ANKRD30B: variants seen among roughly 807,000 people sequenced by gnomAD.
ANKRD30B encodes the protein ankyrin repeat domain 30B.
Under a neutral mutation model 202.2 loss-of-function variants are expected in ANKRD30B, and 144 were observed. The observed-to-expected ratio is 0.71, with a 90% CI of 0.62 to 0.82. ANKRD30B has a LOEUF of 0.82. ANKRD30B is among the 40% of genes least tolerant of loss of function. The probability of loss-of-function intolerance (pLI) is 0.00; values close to 1 mark genes in which losing one functional copy is unlikely to be tolerated. For missense variants in ANKRD30B, 1,487 were observed against 1,669.1 expected (o/e 0.89, Z 1.90); for synonymous variants, 508 against 561.3 (o/e 0.91, Z 1.34).
intron 1 of ANKRD30B, among the ~76,000 whole-genome samples, chr18:14,750,260 A>G (rs777895632): frequency 3.9e-5 from 6 of 152,152 alleles, no homozygotes; most frequent in Non-Finnish European, 8.8e-5. Context: ...TCTAATTTAA[A>G]ATTGGGCAAT....
intron 30 of ANKRD30B, among the ~76,000 whole-genome samples, chr18:14,817,588 T>G (rs1222990367): frequency 6.6e-6 from 1 of 152,166 alleles, no homozygotes; most frequent in East Asian, 1.9e-4. Context: ...CTTAGAAAGG[T>G]CAAAGCCAGC....
In ANKRD30B at chr18:14,808,675, A is replaced by C; in HGVS notation, c.2317A>C (p.Thr773Pro). 1 of 1,535,944 alleles carries C rather than the reference A, an allele frequency of 6.5e-7. No individual in the cohort carries two copies. The highest frequency in any genetic ancestry group is 8.8e-7 in the Non-Finnish European group (1 of 1,138,172). The change falls in exon 26 of 44, where the codon ACC (threonine) becomes CCC (proline). Residue 773 changes from threonine to proline, a missense_variant. Physicochemically the swap from Thr to Pro is conservative, Grantham distance 38. This residue lies in a region of ANKRD30B where 218 missense variants were observed against 320.1 expected (regional missense o/e 0.68). Transcript: ENST00000690538. The part of the protein sequence containing the change: ...SPDKDGLLKP[T>P]CGRKVSLPNK... ...TTGTGTTTCCAAACCCATTTAGCCT[A>C]CCTGTGGAAGGAAAGTTTCTCTTCC... is the stretch of plus-strand genomic sequence containing the variant.
intron 7 of ANKRD30B, 44 bp downstream of exon 7, chr18:14,764,134 G>T (rs763386967): frequency 2.7e-6 from 4 of 1,459,028 alleles, no homozygotes; most frequent in Non-Finnish European, 3.6e-6. Context: ...TGGCACTTTG[G>T]GTTCCCTAGT....
At chr18:14,903,875 C>T in the ANKRD30B span, among the ~76,000 whole-genome samples, 565 of 152,304 alleles carry the variant, frequency 3.7e-3, no homozygotes, top group African/African-American at 0.013. Context: ...TTTTCTACAT[C>T]GAGGAACAAC....
chr18:14,853,133 T>C (rs1971956997), intron 42 of ANKRD30B, among the ~76,000 whole-genome samples: 1 of 151,972 alleles, frequency 6.6e-6, no homozygotes, highest in Non-Finnish European at 1.5e-5. Flanking sequence ...TTTTGAATAT[T>C]GTTACAAATC....
intron 3 of ANKRD30B, among the ~76,000 whole-genome samples, chr18:14,753,509 T>A (rs564347363): frequency 6.6e-6 from 1 of 152,314 alleles, no homozygotes; most frequent in African/African-American, 2.4e-5. Flanking sequence ...CTTACTGAAC[T>A]TACCTCTTTT....
the ANKRD30B span, among the ~76,000 whole-genome samples, chr18:14,932,365 C>G: frequency 1.3e-5 from 2 of 151,926 alleles, no homozygotes; most frequent in Non-Finnish European, 2.9e-5. Context: ...GAGACGGAGT[C>G]TCACTCTGTC....
the ANKRD30B span, among the ~76,000 whole-genome samples, chr18:14,866,260 C>T: frequency 8.1e-4 from 123 of 152,332 alleles, no homozygotes; most frequent in Middle Eastern, 3.4e-3. Context: ...AGGCTGGAGC[C>T]TGTAACACTG....
chr18:14,858,753 T>C (rs1046568241), downstream of ANKRD30B, among the ~76,000 whole-genome samples: 4 of 141,408 alleles, frequency 2.8e-5, no homozygotes, highest in African/African-American at 1.0e-4. Flanking sequence ...GCTCCTCACC[T>C]CCCAGGGGGG....
chr18:14,799,275 A>G lies in ANKRD30B; in HGVS notation c.2111A>G (p.Asp704Gly). The G allele has an allele frequency of 6.5e-7, 1 of 1,543,458 alleles. No homozygotes were observed. The highest frequency in any genetic ancestry group is 8.7e-7 in the Non-Finnish European group (1 of 1,146,526). ...CCAAATAAAGCTTTAGAATTGAAGG[A>G]CAGAGAAACATTCAAAGCAGGTAAA... ...SLPNKALELK[D>G]RETFKAAQMF... Residue 704 changes from aspartate (D) to glycine (G), a missense_variant, in exon 22 of 44, where the codon GAC becomes GGC. Asp to Gly is a moderately conservative substitution (Grantham distance 94). This residue lies in a region of ANKRD30B where 889 missense variants were observed against 841.4 expected (regional missense o/e 1.06). Transcript: ENST00000690538.
rs564593078 is a variant in ANKRD30B, at chr18:14,841,785, C to T, written c.3079+1107C>T. Among the ~76,000 whole-genome samples the T allele has an allele frequency of 4.6e-5, 7 of 152,268 alleles. No homozygotes were observed. The South Asian group carries it at 1.4e-3, about 32-fold the overall frequency. ...TTCAGATGCATTTACAATATTTGCA[C>T]TCCAGAAGATTAGATTGTGGGTACT... On this transcript the variant is annotated intron_variant, in intron 37 of 43. Coordinates refer to ENST00000690538, the MANE Select transcript of ANKRD30B (RefSeq NM_001367607.2).
At chr18:14,770,663 T>A (rs73427575) in intron 8 of ANKRD30B, among the ~76,000 whole-genome samples, 2,235 of 152,220 alleles carry the variant, frequency 0.015, 62 homozygotes, top group African/African-American at 0.052. Context: ...CAAGTTTGAT[T>A]AAAGATAAAT....
At chr18:14,897,639 T>C in the ANKRD30B span, among the ~76,000 whole-genome samples, 1 of 152,224 alleles carries the variant, frequency 6.6e-6, no homozygotes, top group Non-Finnish European at 1.5e-5. Context: ...TCTGTATATT[T>C]TATTTTCAAA....
At position 14,799,222 on chromosome 18, in the gene ANKRD30B, G is replaced by GC. The variant is rs1969147144; in HGVS notation, c.2060dup (p.Thr688TyrfsTer11). On this transcript the variant is annotated frameshift_variant and splice_region_variant. Transcript: ENST00000690538. LOFTEE classifies it high-confidence loss of function. ...ATTTTTGTGTTTCCAAACCCATTTA[G>GC]CCTACCTGTGGAAGGAAAGTTTCTC... 9.5e-6 allele frequency: 15 copies of GC among 1,576,176 alleles called. No homozygotes were observed. Among genetic ancestry groups the GC allele is most frequent in the Admixed American group, 7.2e-5 (4 of 55,812 alleles).
At chr18:14,936,927 T>C in the ANKRD30B span, among the ~76,000 whole-genome samples, 1 of 152,274 alleles carries the variant, frequency 6.6e-6, no homozygotes, top group East Asian at 1.9e-4. Flanking sequence ...GGACATGTTT[T>C]CTCCTCTTTG....
Position 14,804,780 on chromosome 18 carries a change from T to G in ANKRD30B, c.2284+956T>G, listed in dbSNP as rs141973112. ...TTCTATACAAAGAAAAAGGAAAGAG[T>G]GTGTGTTGAATGGGAAGAATCAAGA... On this transcript the variant is annotated intron_variant, in intron 24 of 43. Coordinates refer to ENST00000690538, the MANE Select transcript of ANKRD30B (RefSeq NM_001367607.2). Among the ~76,000 whole-genome samples the G allele has an allele frequency of 6.3e-3, 953 of 150,718 alleles. 50 individuals are homozygous for G. Among genetic ancestry groups the G allele is most frequent in the African/African-American group, 0.022 (905 of 40,792 alleles).
At chr18:14,923,793 T>C in the ANKRD30B span, among the ~76,000 whole-genome samples, 4 of 152,234 alleles carry the variant, frequency 2.6e-5, no homozygotes, top group Non-Finnish European at 5.9e-5. Flanking sequence ...TTGTTCTCTT[T>C]CCTTACTTTC....
the ANKRD30B span, among the ~76,000 whole-genome samples, chr18:14,896,878 TAATA>T: frequency 1.5e-4 from 22 of 147,586 alleles, no homozygotes; most frequent in African/African-American, 5.3e-4. Context: ...ATCTGGATAT[TAATA>T]AATATATACA....
chr18:14,826,902 A>G (rs1970694394), intron 32 of ANKRD30B, among the ~76,000 whole-genome samples: 1 of 152,188 alleles, frequency 6.6e-6, no homozygotes, highest in Non-Finnish European at 1.5e-5. Context: ...ACAGGAACTC[A>G]TAATAAAATA....
Sources: allele counts gnomAD v4.1 joint callset (sites outside exome capture counted in the v4.1 genomes callset), GRCh38; gene constraint gnomAD v4.1.1; regional missense constraint gnomAD v4.1.1; transcripts MANE v1.5; gene names NCBI Gene and HGNC (gene_info 2026-07-23, HGNC 2026-07-21).